Variants in USH2A observed in about 807,000 individuals in gnomAD.
The protein encoded by USH2A is Usher syndrome 2A (autosomal recessive, mild).
In USH2A, 443 loss-of-function variants were observed where a neutral mutation model predicts 538.9. The ratio of observed to expected loss-of-function variants is 0.82; its 90% confidence interval spans 0.76 to 0.89. The LOEUF (loss-of-function observed/expected upper bound fraction) is 0.89. USH2A is among the 40% of genes least tolerant of loss of function. USH2A has a pLI of 0.00. For missense variants in USH2A, 6,633 were observed against 6,324.8 expected, an observed-to-expected ratio of 1.05 and a Z score of -1.65; for synonymous variants, 2,413 against 2,273.5, an observed-to-expected ratio of 1.06 and a Z score of -1.75.
intron 16 of USH2A, among the ~76,000 whole-genome samples, chr1:216,202,107 G>T (rs1333751907): frequency 6.6e-6 from 1 of 152,118 alleles, no homozygotes; most frequent in Admixed American, 6.5e-5. Context: ...CTAGAACAAC[G>T]ATGGAAAATA....
intron 9 of USH2A, among the ~76,000 whole-genome samples, chr1:216,314,432 G>A (rs1348882591): frequency 6.6e-6 from 1 of 151,718 alleles, no homozygotes; most frequent in African/African-American, 2.4e-5. Flanking sequence ...TAATTTACTA[G>A]CATTACAATA....
intron 21 of USH2A, among the ~76,000 whole-genome samples, chr1:216,163,567 T>A (rs1444178511): frequency 6.6e-6 from 1 of 151,974 alleles, no homozygotes; most frequent in Non-Finnish European, 1.5e-5. Context: ...TAGGAAAAAA[T>A]TGCACACTCT....
chr1:216,324,969 G>C (rs1346670044), intron 6 of USH2A, among the ~76,000 whole-genome samples: 1 of 152,096 alleles, frequency 6.6e-6, no homozygotes, highest in Non-Finnish European at 1.5e-5. Flanking sequence ...GATCATCCTG[G>C]GTCTAATAGG....
chr1:216,181,687 T>A (rs1044809574), intron 20 of USH2A, among the ~76,000 whole-genome samples: 1 of 152,114 alleles, frequency 6.6e-6, no homozygotes, highest in African/African-American at 2.4e-5. Flanking sequence ...CCACCACTAA[T>A]AAAAGGTAGT....
At chr1:216,420,626 A>ATATG (rs2039660221) in intron 2 of USH2A, among the ~76,000 whole-genome samples, 2 of 152,268 alleles carry the variant, frequency 1.3e-5, no homozygotes. Context: ...TTTGGTACAG[A>ATATG]TATGTCCCTA....
At chr1:216,117,786 A>G (rs767093589) in intron 21 of USH2A, among the ~76,000 whole-genome samples, 4 of 151,574 alleles carry the variant, frequency 2.6e-5, no homozygotes, top group Admixed American at 6.6e-5. Flanking sequence ...ACAGACACAC[A>G]TACACACACA....
At chr1:215,658,361 T>C (rs79702319) in intron 64 of USH2A, among the ~76,000 whole-genome samples, 2,870 of 152,182 alleles carry the variant, frequency 0.019, 90 homozygotes, top group African/African-American at 0.066. Context: ...ATTGAGCACT[T>C]ACACTTTTGT....
intron 20 of USH2A, 72 bp downstream of exon 20, chr1:216,190,151 A>G (rs2034685506): frequency 6.3e-7 from 1 of 1,586,554 alleles, no homozygotes; most frequent in South Asian, 1.1e-5. Flanking sequence ...TCAAGTAGAG[A>G]AGGTGTTGAA....
chr1:216,006,669 T>C (rs973783675), intron 32 of USH2A, among the ~76,000 whole-genome samples: 11 of 152,164 alleles, frequency 7.2e-5, no homozygotes, highest in Non-Finnish European at 2.9e-5. Context: ...CTTCATTATA[T>C]TGATTTGTTT....
chr1:215,794,240 A>G (rs978563744), intron 50 of USH2A, among the ~76,000 whole-genome samples: 2 of 152,224 alleles, frequency 1.3e-5, no homozygotes, highest in Non-Finnish European at 2.9e-5. Context: ...CTGAACTGGG[A>G]CCAGGGAGAT....
chr1:215,841,164 T>C (rs192386296), intron 46 of USH2A, among the ~76,000 whole-genome samples: 2 of 152,286 alleles, frequency 1.3e-5, no homozygotes, highest in African/African-American at 4.8e-5. Flanking sequence ...AAACTACCAA[T>C]GACATTCTTC....
chr1:215,963,608 C>T (rs1448745704), intron 37 of USH2A, among the ~76,000 whole-genome samples: 1 of 152,062 alleles, frequency 6.6e-6, no homozygotes, highest in Non-Finnish European at 1.5e-5. Context: ...TTATTACCAG[C>T]AGGAGATAAA....
chr1:215,724,122 T>A (rs1237083224), intron 61 of USH2A, among the ~76,000 whole-genome samples: 1 of 151,910 alleles, frequency 6.6e-6, no homozygotes, highest in Non-Finnish European at 1.5e-5. Flanking sequence ...TATCTATATA[T>A]CTCCTGATTT....
At chr1:216,346,308 G>A (rs2038174787) in intron 4 of USH2A, among the ~76,000 whole-genome samples, 1 of 152,032 alleles carries the variant, frequency 6.6e-6, no homozygotes, top group Non-Finnish European at 1.5e-5. Context: ...GGAAAAAAAG[G>A]AGCACCACAG....
At chr1:215,853,196 C>T (rs1359909643) in intron 44 of USH2A, among the ~76,000 whole-genome samples, 4 of 152,204 alleles carry the variant, frequency 2.6e-5, no homozygotes, top group Non-Finnish European at 5.9e-5. Context: ...ATCTTGACTT[C>T]TGTGCACTGG....
chr1:216,344,024 A>C (rs1438059301), intron 4 of USH2A, among the ~76,000 whole-genome samples: 1 of 151,924 alleles, frequency 6.6e-6, no homozygotes, highest in African/African-American at 2.4e-5. Context: ...CTATGGACTC[A>C]CCTTGAATTC....
intron 46 of USH2A, among the ~76,000 whole-genome samples, chr1:215,841,930 C>T (rs1663688653): frequency 6.6e-6 from 1 of 152,048 alleles, no homozygotes; most frequent in Admixed American, 6.6e-5. Context: ...GGCCAACAAA[C>T]ATATAAAGCT....
intron 61 of USH2A, among the ~76,000 whole-genome samples, chr1:215,694,827 C>T (rs983556649): frequency 2.6e-5 from 4 of 152,116 alleles, no homozygotes; most frequent in African/African-American, 9.7e-5. Context: ...AGAGCAATGA[C>T]CATATAGGAT....
intron 21 of USH2A, among the ~76,000 whole-genome samples, chr1:216,102,551 G>A (rs191758787): frequency 8.7e-4 from 133 of 152,252 alleles, no homozygotes; most frequent in Middle Eastern, 3.4e-3. Context: ...TGTAATCCCA[G>A]CACTTTGGGA....
Sources: gnomAD v4.1 joint callset for allele counts (sites outside exome capture counted in the v4.1 genomes callset) on GRCh38, gnomAD v4.1.1 for gene constraint, MANE v1.5 for transcripts, NCBI Gene and HGNC (gene_info 2026-07-23, HGNC 2026-07-21) for gene names.